CD53: variants seen among roughly 807,000 people sequenced by gnomAD.
CD53 encodes the protein CD53 molecule.
A neutral mutation model predicts 27.3 loss-of-function variants in CD53; 20 were observed. That is an observed-to-expected ratio of 0.73 (90% CI 0.52 to 1.07). CD53 has a LOEUF of 1.07. Ranked by LOEUF, CD53 falls within the 50% of genes least tolerant of loss-of-function variation. CD53 has a pLI of 0.00. For missense variants in CD53, 216 were observed against 264.0 expected (o/e 0.82, Z 1.26); for synonymous variants, 106 against 105.3 (o/e 1.01, Z -0.04).
At chr1:110,878,956 C>A (rs149411721) in intron 1 of CD53, among the ~76,000 whole-genome samples, 1 of 151,992 alleles carries the variant, frequency 6.6e-6, no homozygotes, top group East Asian at 1.9e-4. Context: ...TGAAATTTAA[C>A]ATTTTCAATT....
At chr1:110,885,170 C>T (rs1225946217) in intron 1 of CD53, among the ~76,000 whole-genome samples, 3 of 152,176 alleles carry the variant, frequency 2.0e-5, no homozygotes, top group African/African-American at 7.2e-5. Context: ...AGTCTCTACA[C>T]TATTATTATC....
At chr1:110,888,329 G>A (rs529892823) in intron 1 of CD53, among the ~76,000 whole-genome samples, 13 of 152,230 alleles carry the variant, frequency 8.5e-5, no homozygotes, top group South Asian at 4.2e-4. Flanking sequence ...TGTACATTGC[G>A]GTGTCCTGTA....
At chr1:110,890,695 T>C (rs1482695143) in intron 1 of CD53, among the ~76,000 whole-genome samples, 1 of 152,176 alleles carries the variant, frequency 6.6e-6, no homozygotes, top group African/African-American at 2.4e-5. Context: ...ACTAAGAAAA[T>C]GATATTCTAG....
At chr1:110,875,669 C>T (rs1656103774) in intron 1 of CD53, among the ~76,000 whole-genome samples, 1 of 152,100 alleles carries the variant, frequency 6.6e-6, no homozygotes, top group South Asian at 2.1e-4. Flanking sequence ...GCTCCTAGGA[C>T]CCATCTGCCA....
chr1:110,886,864 TA>T (rs761992709), intron 1 of CD53, among the ~76,000 whole-genome samples: 18,347 of 77,852 alleles, frequency 0.24, 1,435 homozygotes, highest in Admixed American at 0.26. Flanking sequence ...TATATATATA[TA>T]TATATTTTTT....
chr1:110,890,612 C>T (rs139289690), intron 1 of CD53, among the ~76,000 whole-genome samples: 130 of 136,620 alleles, frequency 9.5e-4, no homozygotes, highest in African/African-American at 3.0e-3. Context: ...GAAAGGAAAG[C>T]GAAAAGGAAA....
chr1:110,899,192 A>G lies in CD53; in HGVS notation c.657A>G (p.Leu219=). The G allele has an allele frequency of 6.2e-7, 1 of 1,611,476 alleles. No individual in the cohort carries two copies. Reference sequence around the variant, plus strand: ...ACAAAACCAGCCAGACCATAGGGCTATGATCTGCAGTAGTCCTGTGGTGAA... The same window carrying G: ...ACAAAACCAGCCAGACCATAGGGCTGTGATCTGCAGTAGTCCTGTGGTGAA... ...QIDKTSQTIG[L] is the part of the protein sequence containing the mutation. The change falls in exon 8 of 8, where the codon CTA becomes CTG. Residue 219 remains leucine, a synonymous_variant. Coordinates refer to ENST00000271324, the MANE Select transcript of CD53 (RefSeq NM_000560.4).
At chr1:110,896,863 G>T in intron 6 of CD53, 130 bp downstream of exon 6, 1 of 723,572 alleles carries the variant, frequency 1.4e-6, no homozygotes, top group Non-Finnish European at 2.3e-6. Flanking sequence ...AGAGAGGCCA[G>T]GGCAACAACC....
At chr1:110,897,120 G>A (rs1338877607) in intron 6 of CD53, among the ~76,000 whole-genome samples, 1 of 152,186 alleles carries the variant, frequency 6.6e-6, no homozygotes, top group African/African-American at 2.4e-5. Context: ...TTCTTCCTTG[G>A]AGATGGCAGA....
At chr1:110,898,639 G>T (rs899952381) in intron 7 of CD53, among the ~76,000 whole-genome samples, 1 of 151,904 alleles carries the variant, frequency 6.6e-6, no homozygotes, top group African/African-American at 2.4e-5. Context: ...GGTGAATTGA[G>T]GGTAGTTTTT....
At chr1:110,886,670 G>A (rs1009043318) in intron 1 of CD53, among the ~76,000 whole-genome samples, 1 of 151,802 alleles carries the variant, frequency 6.6e-6, no homozygotes, top group Non-Finnish European at 1.5e-5. Flanking sequence ...CCAACATGGT[G>A]AAACCCTGTC....
intron 1 of CD53, among the ~76,000 whole-genome samples, chr1:110,876,617 T>C (rs1382915364): frequency 6.6e-6 from 1 of 152,084 alleles, no homozygotes; most frequent in East Asian, 1.9e-4. Flanking sequence ...TGGCTTACCT[T>C]ATATCAGGAG....
chr1:110,878,487 G>T (rs1343867550), intron 1 of CD53, among the ~76,000 whole-genome samples: 1 of 152,142 alleles, frequency 6.6e-6, no homozygotes, highest in African/African-American at 2.4e-5. Context: ...GCTAATGATG[G>T]TTATCTCTGG....
At chr1:110,894,553 G>T in intron 4 of CD53, 152 bp downstream of exon 4, 1 of 601,452 alleles carries the variant, frequency 1.7e-6, no homozygotes, top group South Asian at 1.8e-5. Flanking sequence ...GTAATTGGGG[G>T]GAAAATTTGT....
intron 5 of CD53, among the ~76,000 whole-genome samples, chr1:110,895,309 A>G (rs1417026414): frequency 6.6e-6 from 1 of 152,236 alleles, no homozygotes; most frequent in Admixed American, 6.5e-5. Context: ...GGATGTGAAG[A>G]AGACCCAAAC....
chr1:110,881,334 A>G (rs190710794), intron 1 of CD53, among the ~76,000 whole-genome samples: 1 of 151,212 alleles, frequency 6.6e-6, no homozygotes, highest in East Asian at 2.0e-4. Context: ...CTAAAATGTT[A>G]TATAACTGGA....
intron 3 of CD53, 134 bp from the exon 4 acceptor site, chr1:110,894,193 G>T: frequency 1.4e-6 from 1 of 717,216 alleles, no homozygotes. Context: ...ACAAAAGAAG[G>T]CTTACAACGG....
At position 110,879,985 on chromosome 1, in the gene CD53, G is replaced by A. The variant is rs535994247; in HGVS notation, c.-18+6737G>A. Among the ~76,000 whole-genome samples, 7 of 152,274 alleles carry A rather than the reference G, an allele frequency of 4.6e-5. No individual in the cohort carries two copies. The South Asian group carries it at 1.5e-3, about 32-fold the overall frequency. On this transcript the variant is annotated intron_variant, in intron 1 of 7. Coordinates refer to ENST00000271324, the MANE Select transcript of CD53 (RefSeq NM_000560.4). ...CAAAAAAAAGACAGGGATGGAATTA[G>A]AAATCCGCAGGTTCTACCAGCTCAA... is the stretch of plus-strand genomic sequence containing the variant.
intron 4 of CD53, among the ~76,000 whole-genome samples, chr1:110,894,755 A>G (rs187741931): frequency 6.6e-6 from 1 of 152,264 alleles, no homozygotes; most frequent in East Asian, 1.9e-4. Flanking sequence ...GAAGGAAGCA[A>G]GCCTACTAAA....
Sources: allele counts gnomAD v4.1 joint callset (sites outside exome capture counted in the v4.1 genomes callset), GRCh38; gene constraint gnomAD v4.1.1; transcripts MANE v1.5; gene names NCBI Gene and HGNC (gene_info 2026-07-23, HGNC 2026-07-21).